The following MECOM variants were observed in gnomAD, a reference collection of about 807,000 sequenced individuals.
The protein encoded by MECOM is MDS1 and EVI1 complex locus, also known as histone-lysine N-methyltransferase MECOM.
In MECOM, 13 loss-of-function variants were observed where a neutral mutation model predicts 116.3. The ratio of observed to expected loss-of-function variants is 0.11; its 90% CI spans 0.07 to 0.18. The LOEUF (loss-of-function observed/expected upper bound fraction) is 0.18. Among genes scored for constraint, MECOM ranks in the 10% least tolerant of loss-of-function variants. MECOM has a pLI of 1.00. For missense variants in MECOM, 1,299 were observed against 1,509.0 expected (o/e 0.86, Z 2.31); for synonymous variants, 528 against 535.2 (o/e 0.99, Z 0.19).
chr3:169,115,783 G>C lies in MECOM; in HGVS notation c.2089C>G (p.Leu697Val). Reference sequence around the variant, plus strand: ...TGAGAGAATGCTGGAAAAAATGGGAGGGGAAACATGGAAGGGTAAGGTAAA... The same window carrying C: ...TGAGAGAATGCTGGAAAAAATGGGACGGGAAACATGGAAGGGTAAGGTAAA... ...GALPYPSMFP[L>V]PFFPAFSQSM... is the part of the protein sequence containing the mutation. Residue 697 changes from leucine (L) to valine (V), a missense_variant, in exon 8 of 17, where the codon CTC becomes GTC. Transcript: ENST00000651503. The C allele has an allele frequency of 6.2e-7, 1 of 1,614,102 alleles. No individual in the cohort carries two copies. The highest frequency in any genetic ancestry group is 1.1e-5 in the South Asian group (1 of 91,074).
At chr3:169,109,070 T>A (rs1240285102) in intron 9 of MECOM, among the ~76,000 whole-genome samples, 1 of 152,194 alleles carries the variant, frequency 6.6e-6, no homozygotes, top group Non-Finnish European at 1.5e-5. Context: ...GATGTTCAAA[T>A]GGGCTATCAG....
chr3:169,616,270 G>A (rs988117624), intron 1 of MECOM, among the ~76,000 whole-genome samples: 1 of 152,186 alleles, frequency 6.6e-6, no homozygotes, highest in Non-Finnish European at 1.5e-5. Flanking sequence ...AAATTCTCAC[G>A]AAGTTTGGGG....
At chr3:169,397,860 C>G (rs1451078000) in intron 1 of MECOM, among the ~76,000 whole-genome samples, 1 of 152,146 alleles carries the variant, frequency 6.6e-6, no homozygotes, top group Non-Finnish European at 1.5e-5. Flanking sequence ...GGTCATGCCT[C>G]TAGACATTTT....
intron 2 of MECOM, among the ~76,000 whole-genome samples, chr3:169,165,705 C>G (rs971673676): frequency 6.6e-6 from 1 of 152,038 alleles, no homozygotes; most frequent in South Asian, 2.1e-4. Flanking sequence ...GTTTTATGTC[C>G]TTTAAGTACT....
chr3:169,212,665 T>C (rs1750913851), intron 2 of MECOM, among the ~76,000 whole-genome samples: 1 of 105,018 alleles, frequency 9.5e-6, no homozygotes, highest in Non-Finnish European at 1.9e-5. Context: ...TATATATATA[T>C]ATATATATAT....
rs182053900 is a variant in MECOM, at chr3:169,473,458, G to A, written c.38-91934C>T. On this transcript the variant is annotated intron_variant, in intron 1 of 16. Transcript: ENST00000651503. ...TTTCTTGCTGTCCTACAGGTTAGGCGAAGGAAGAAATATGTTTAAACACCA... is the reference window on the plus strand; with the variant it reads ...TTTCTTGCTGTCCTACAGGTTAGGCAAAGGAAGAAATATGTTTAAACACCA... Among the ~76,000 whole-genome samples, 6 of 152,276 alleles carry A rather than the reference G, an allele frequency of 3.9e-5. No homozygotes were observed. In the East Asian group the frequency reaches 9.6e-4, roughly 24 times the overall value.
chr3:169,119,244 G>A (rs1730212236), intron 7 of MECOM, among the ~76,000 whole-genome samples: 1 of 152,120 alleles, frequency 6.6e-6, no homozygotes, highest in African/African-American at 2.4e-5. Context: ...ACAGATATCA[G>A]CCCTAGGTGA....
intron 2 of MECOM, among the ~76,000 whole-genome samples, chr3:169,346,343 A>G (rs1413850897): frequency 6.6e-6 from 1 of 152,112 alleles, no homozygotes; most frequent in Non-Finnish European, 1.5e-5. Flanking sequence ...TCTTTGTAAA[A>G]TTAAATGAAC....
intron 2 of MECOM, among the ~76,000 whole-genome samples, chr3:169,263,787 G>T (rs1159154512): frequency 6.6e-6 from 1 of 152,036 alleles, no homozygotes; most frequent in Non-Finnish European, 1.5e-5. Context: ...AAGGAACTGG[G>T]GATGTAGGGA....
intron 1 of MECOM, among the ~76,000 whole-genome samples, chr3:169,494,395 C>G (rs953209099): frequency 1.6e-4 from 24 of 152,248 alleles, no homozygotes; most frequent in African/African-American, 5.5e-4. Context: ...TTGCCTTACT[C>G]TTGATTCATG....
intron 1 of MECOM, among the ~76,000 whole-genome samples, chr3:169,461,932 G>A (rs1207804470): frequency 6.6e-6 from 1 of 152,074 alleles, no homozygotes; most frequent in African/African-American, 2.4e-5. Flanking sequence ...AAAAATAATA[G>A]GCTGATATTT....
rs1721063427 is a variant in MECOM at position 169,095,106 on chromosome 3, G to C, written c.2989C>G (p.Leu997Val). 1 of 1,610,964 alleles carries C rather than the reference G, an allele frequency of 6.2e-7. No homozygotes were observed. The highest frequency in any genetic ancestry group is 1.7e-5 in the Admixed American group (1 of 59,590). The change falls in exon 13 of 17, where the codon CTA (leucine) becomes GTA (valine). Residue 997 changes from leucine to valine, a missense_variant. Coordinates refer to ENST00000651503, the MANE Select transcript of MECOM (RefSeq NM_004991.4). ...FGQQTNLDRH[L>V]KKHENGNMSG... ...ATGTTCCCATTCTCATGTTTCTTTA[G>C]GTGTCTGTCTAAATTGGTTTGTTGA... is the stretch of plus-strand genomic sequence containing the variant.
In MECOM at chr3:169,490,251, T is replaced by C. The variant is rs548948289; in HGVS notation, c.38-108727A>G. Among the ~76,000 whole-genome samples the C allele has an allele frequency of 9.5e-4, 144 of 152,244 alleles. 1 individual carries two copies. Among genetic ancestry groups the C allele is most frequent in the African/African-American group, 3.3e-3 (138 of 41,556 alleles). ...AAAATAGAAATTGAATCACTCTTAT[T>C]AGGAGTGTAAAGTGTACAATCAACA... On this transcript the variant is annotated intron_variant, in intron 1 of 16. Transcript: ENST00000651503.
At chr3:169,585,329 G>A (rs1399320552) in intron 1 of MECOM, among the ~76,000 whole-genome samples, 1 of 152,086 alleles carries the variant, frequency 6.6e-6, no homozygotes, top group East Asian at 1.9e-4. Context: ...AAGATTTAAG[G>A]ATTGAAGAGA....
intron 2 of MECOM, among the ~76,000 whole-genome samples, chr3:169,245,533 T>C (rs565235259): frequency 6.6e-6 from 1 of 152,312 alleles, no homozygotes; most frequent in South Asian, 2.1e-4. Context: ...TAAATAATCA[T>C]TTTTATAGAA....
intron 1 of MECOM, among the ~76,000 whole-genome samples, chr3:169,388,626 A>G (rs1733756624): frequency 6.6e-6 from 1 of 152,222 alleles, no homozygotes; most frequent in Admixed American, 6.5e-5. Context: ...GACATTGAAT[A>G]GAATGGGAAC....
At position 169,198,817 on chromosome 3, in the gene MECOM, T is replaced by G. The variant is rs537280794; in HGVS notation, c.376-54985A>C. Among the ~76,000 whole-genome samples, 32 of 151,866 alleles carry G rather than the reference T, an allele frequency of 2.1e-4. 1 individual carries two copies. The highest frequency in any genetic ancestry group is 7.7e-4 in the African/African-American group (32 of 41,392). On this transcript the variant is annotated intron_variant, in intron 2 of 16. Coordinates refer to ENST00000651503, the MANE Select transcript of MECOM (RefSeq NM_004991.4). ...AACAGTGAATCCCAATACAATATGATAAAAGATCAAGCAGCATTTTAGTGT... is the reference window on the plus strand; with the variant it reads ...AACAGTGAATCCCAATACAATATGAGAAAAGATCAAGCAGCATTTTAGTGT...
At chr3:169,514,039 G>A (rs1036425910) in intron 1 of MECOM, among the ~76,000 whole-genome samples, 3 of 152,174 alleles carry the variant, frequency 2.0e-5, no homozygotes, top group Admixed American at 6.5e-5. Flanking sequence ...CTACAAGGGT[G>A]TGCACATACT....
chr3:169,501,752 T>G (rs1200453801), intron 1 of MECOM, among the ~76,000 whole-genome samples: 1 of 152,074 alleles, frequency 6.6e-6, no homozygotes, highest in East Asian at 1.9e-4. Flanking sequence ...TTAGCTAGAG[T>G]TTTTCTCATC....
Sources: allele counts gnomAD v4.1 joint callset (sites outside exome capture counted in the v4.1 genomes callset), GRCh38; gene constraint gnomAD v4.1.1; transcripts MANE v1.5; gene names NCBI Gene and HGNC (gene_info 2026-07-23, HGNC 2026-07-21).